Variants in ZNF205 observed in about 807,000 individuals in gnomAD.
ZNF205 encodes the protein zinc finger protein 205, also known as transcriptional repressor RHIT.
A neutral mutation model predicts 53.6 loss-of-function variants in ZNF205; 32 were observed. That is an observed-to-expected ratio of 0.60 (90% confidence interval 0.45 to 0.80). The LOEUF (loss-of-function observed/expected upper bound fraction) is 0.80, where lower values mean the gene tolerates loss of function less well. ZNF205 is among the 30% of genes least tolerant of loss of function. The pLI, the probability that ZNF205 is intolerant of heterozygous loss-of-function variation, is 0.00. For missense variants in ZNF205, 836 were observed against 782.4 expected (o/e 1.07, Z -0.82); for synonymous variants, 382 against 334.3 (o/e 1.14, Z -1.56).
rs61170261 is a variant in ZNF205, at chr16:3,117,085, C to G, written c.484+538C>G. ...CTGGGATTACAGGCGTGAGCCACCG[C>G]GCCCGGCCAATTTTACTTGGTTTTA... On this transcript the variant is annotated intron_variant, in intron 5 of 6. Transcript: ENST00000219091. Among the ~76,000 whole-genome samples, 1,135 of 152,292 alleles carry G rather than the reference C, an allele frequency of 7.5e-3. 16 individuals carry two copies. Among genetic ancestry groups the G allele is most frequent in the African/African-American group, 0.026 (1,065 of 41,564 alleles).
At chr16:3,119,137 C>A (rs1957384638) in intron 6 of ZNF205, 119 bp from the exon 7 acceptor site, 4 of 1,496,764 alleles carry the variant, frequency 2.7e-6, no homozygotes, top group Non-Finnish European at 3.6e-6. Flanking sequence ...GCGCCCAGGG[C>A]GGCCCTTGCG....
chr16:3,117,518 G>A (rs971772897), intron 5 of ZNF205, among the ~76,000 whole-genome samples: 6 of 121,002 alleles, frequency 5.0e-5, no homozygotes, highest in Non-Finnish European at 4.8e-5. Flanking sequence ...GCACCATCAC[G>A]ACTCATGCAG....
At chr16:3,116,123 G>A (rs1596297888) in intron 4 of ZNF205, 1 of 693,528 alleles carries the variant, frequency 1.4e-6, no homozygotes, top group East Asian at 2.8e-5. Flanking sequence ...AGGAATTAGA[G>A]ACACAGGGCC....
chr16:3,120,491 C>A lies in ZNF205; in HGVS notation c.*166C>A. On this transcript the variant is annotated 3_prime_UTR_variant, in exon 7 of 7. Transcript: ENST00000219091. Reference sequence around the variant, plus strand: ...GCGAGGGCGAGAAAGGGCAGGCACTCTGCGAATTAAAGGCCTTGGACTTGA... The same window carrying A: ...GCGAGGGCGAGAAAGGGCAGGCACTATGCGAATTAAAGGCCTTGGACTTGA... The A allele has an allele frequency of 1.2e-6, 1 of 858,256 alleles. No individual in the cohort carries two copies. The highest frequency in any genetic ancestry group is 1.7e-6 in the Non-Finnish European group (1 of 575,656). 53.2% of individuals were successfully genotyped at this position (858,256 alleles called of 1,614,324 possible). A position where few individuals can be genotyped will look rare whatever the true frequency, so the allele number is the denominator to read the frequency against.
chr16:3,118,800 C>T, intron 5 of ZNF205, 105 bp from the exon 6 acceptor site: 1 of 1,253,488 alleles, frequency 8.0e-7, no homozygotes, highest in Non-Finnish European at 1.1e-6. Flanking sequence ...CCCCCTGTTT[C>T]CAGAGCCTCA....
In ZNF205 at chr16:3,119,678, G is replaced by A. The variant is rs765767124; in HGVS notation, c.1018G>A (p.Asp340Asn). Residue 340 changes from aspartate to asparagine, a missense_variant, in exon 7 of 7, where the codon GAC becomes AAC. By Grantham distance (23) the Asp-to-Asn change is conservative (BLOSUM62 1). Coordinates refer to ENST00000219091, the MANE Select transcript of ZNF205 (RefSeq NM_001042428.2). ...GGGCGAGAAGCCCTACGCCTGCACT[G>A]ACTGCGGGAAGCGCTTCGGCCGCAG... is the stretch of plus-strand genomic sequence containing the variant. ...HTGEKPYACTDCGKRFGRSSH... is the reference protein window; with the variant it reads ...HTGEKPYACTNCGKRFGRSSH... 1 of 1,612,958 alleles carries A rather than the reference G, an allele frequency of 6.2e-7. No individual in the cohort carries two copies. Among genetic ancestry groups the A allele is most frequent in the East Asian group, 2.2e-5 (1 of 44,796 alleles).
chr16:3,115,795 G>A (rs776114922), intron 3 of ZNF205, 34 bp from the exon 4 acceptor site: 78 of 1,583,482 alleles, frequency 4.9e-5, no homozygotes, highest in Non-Finnish European at 6.1e-5. Context: ...AGCAGGATGA[G>A]CTGATCACCG....
At chr16:3,115,618 G>A (rs777793035) in intron 3 of ZNF205, 50 bp downstream of exon 3, 1 of 1,528,644 alleles carries the variant, frequency 6.5e-7, no homozygotes, top group East Asian at 2.4e-5. Flanking sequence ...CAGCTGTGGG[G>A]AGGTGGAGGT....
At chr16:3,116,881 G>C (rs1432659626) in intron 5 of ZNF205, among the ~76,000 whole-genome samples, 1 of 152,060 alleles carries the variant, frequency 6.6e-6, no homozygotes, top group African/African-American at 2.4e-5. Context: ...TGCAAGCTCC[G>C]CCTCCCGGGT....
chr16:3,117,732 C>T (rs1369752287), intron 5 of ZNF205, among the ~76,000 whole-genome samples: 5 of 152,022 alleles, frequency 3.3e-5, no homozygotes, highest in East Asian at 3.8e-4. Context: ...GGATTATAGG[C>T]GTGAGCCACT....
intron 3 of ZNF205, 22 bp from the exon 4 acceptor site, chr16:3,115,807 G>C: frequency 6.2e-7 from 1 of 1,602,010 alleles, no homozygotes; most frequent in Non-Finnish European, 8.5e-7. Flanking sequence ...TGATCACCGT[G>C]AGGACCTCTC....
chr16:3,119,368 G>A lies in ZNF205; in HGVS notation c.708G>A (p.Ala236=). ...TCCAGTGGGGCGTCCCGCAGTGCGC[G>A]CAGGAAGCAGCCTGCGGCCGGAGCT... ...GRVQWGVPQC[A]QEAACGRSSG... is the part of the protein sequence containing the mutation. The change falls in exon 7 of 7, where the codon GCG becomes GCA. Residue 236 remains alanine (A), a synonymous_variant. Coordinates refer to ENST00000219091, the MANE Select transcript of ZNF205 (RefSeq NM_001042428.2). 1 of 1,612,348 alleles carries A rather than the reference G, an allele frequency of 6.2e-7. No homozygotes were observed. Among genetic ancestry groups the A allele is most frequent in the Non-Finnish European group, 8.5e-7 (1 of 1,179,684 alleles).
In ZNF205 at chr16:3,119,029, G is replaced by A; in HGVS notation, c.595+14G>A. 1.9e-6 allele frequency: 3 copies of A among 1,610,300 alleles called. No individual in the cohort carries two copies. The highest frequency in any genetic ancestry group is 2.5e-6 in the Non-Finnish European group (3 of 1,178,638). ...GCGCGTGCACAGGTGAGGGACGGGC[G>A]CGCGCCTTTGTCTGCGGGAGTGGGG... On this transcript the variant is annotated intron_variant, in intron 6 of 6. Transcript: ENST00000219091.
Position 3,120,003 on chromosome 16 carries a change from A to G in ZNF205, c.1343A>G (p.Tyr448Cys). 3 of 1,613,662 alleles carry G rather than the reference A, an allele frequency of 1.9e-6. No individual in the cohort carries two copies. Among genetic ancestry groups the G allele is most frequent in the Non-Finnish European group, 2.5e-6 (3 of 1,179,896 alleles). The change falls in exon 7 of 7, where the codon TAT becomes TGT. Residue 448 changes from tyrosine (Y) to cysteine (C), a missense_variant. By Grantham distance (194) the Tyr-to-Cys change is radical (BLOSUM62 -2). Coordinates refer to ENST00000219091, the MANE Select transcript of ZNF205 (RefSeq NM_001042428.2). The part of the protein sequence containing the change: ...HQRTHTGVKP[Y>C]PCPECGKCFS... ...CGCACCCACACTGGGGTCAAGCCCT[A>G]TCCGTGCCCCGAGTGCGGCAAGTGC...
At position 3,118,948 on chromosome 16, in the gene ZNF205, C is replaced by G. The variant is rs1400438865; in HGVS notation, c.528C>G (p.Gly176=). ...SRPFWAPQAH[G]KGEASGSSRQ... ...CTTTCTGGGCCCCTCAAGCGCACGG[C>G]AAGGGTGAGGCCTCGGGCTCCAGCC... is the stretch of plus-strand genomic sequence containing the variant. Residue 176 remains glycine (G), a synonymous_variant, in exon 6 of 7, where the codon GGC becomes GGG. Transcript: ENST00000219091. 1 of 1,613,526 alleles carries G rather than the reference C, an allele frequency of 6.2e-7. No individual in the cohort carries two copies. The highest frequency in any genetic ancestry group is 8.5e-7 in the Non-Finnish European group (1 of 1,180,002).
At chr16:3,118,695 A>C in intron 5 of ZNF205, among the ~76,000 whole-genome samples, 1 of 152,122 alleles carries the variant, frequency 6.6e-6, no homozygotes, top group East Asian at 1.9e-4. Context: ...TTGCTCTTTC[A>C]GGGAAAGAGG....
intron 2 of ZNF205, 41 bp from the exon 3 acceptor site, chr16:3,115,314 T>G: frequency 6.8e-7 from 1 of 1,464,548 alleles, no homozygotes. Flanking sequence ...CCTGGGTGTC[T>G]CTCCCACTCA....
At chr16:3,118,092 G>A (rs1300919590) in intron 5 of ZNF205, among the ~76,000 whole-genome samples, 1 of 135,258 alleles carries the variant, frequency 7.4e-6, no homozygotes, top group Non-Finnish European at 1.5e-5. Flanking sequence ...TCGATCTCCT[G>A]ACCTCGTGAT....
At chr16:3,117,719 T>C (rs928733524) in intron 5 of ZNF205, among the ~76,000 whole-genome samples, 24 of 151,982 alleles carry the variant, frequency 1.6e-4, no homozygotes, top group African/African-American at 5.6e-4. Flanking sequence ...TCCCAAAGTG[T>C]TGGGATTATA....
Sources: gnomAD v4.1 joint callset for allele counts (sites outside exome capture counted in the v4.1 genomes callset) on GRCh38, gnomAD v4.1.1 for gene constraint, MANE v1.5 for transcripts, NCBI Gene and HGNC (gene_info 2026-07-23, HGNC 2026-07-21) for gene names.